The following ERO1B variants were observed in gnomAD, a reference collection of about 807,000 sequenced individuals.
The protein encoded by ERO1B is ERO1-like protein beta.
Under a neutral mutation model 75.3 loss-of-function variants are expected in ERO1B, and 49 were observed. The observed-to-expected ratio is 0.65, with a 90% CI of 0.52 to 0.83. The LOEUF is 0.83. ERO1B is among the 40% of genes least tolerant of loss of function. ERO1B has a pLI of 0.00. For missense variants in ERO1B, 512 were observed against 560.1 expected (o/e 0.91, Z 0.87); for synonymous variants, 191 against 192.9 (o/e 0.99, Z 0.08).
At chr1:236,257,248 C>G (rs956890235) in intron 2 of ERO1B, among the ~76,000 whole-genome samples, 3 of 152,164 alleles carry the variant, frequency 2.0e-5, no homozygotes, top group Non-Finnish European at 4.4e-5. Flanking sequence ...TACATAAGAC[C>G]AGTCTAACAA....
chr1:236,226,553 A>G, intron 11 of ERO1B, 38 bp from the exon 12 acceptor site: 1 of 1,596,686 alleles, frequency 6.3e-7, no homozygotes, highest in Non-Finnish European at 8.5e-7. Flanking sequence ...TGTTTTAGTA[A>G]ACAGGATTTT....
At chr1:236,245,649 G>A (rs1664866234) in intron 5 of ERO1B, among the ~76,000 whole-genome samples, 1 of 130,060 alleles carries the variant, frequency 7.7e-6, no homozygotes, top group South Asian at 2.5e-4. Flanking sequence ...GTAGTGGCAC[G>A]ATCTTGGCTC....
At chr1:236,247,501 C>A (rs1664913822) in intron 5 of ERO1B, among the ~76,000 whole-genome samples, 1 of 152,204 alleles carries the variant, frequency 6.6e-6, no homozygotes, top group Non-Finnish European at 1.5e-5. Flanking sequence ...ACTGCTATCA[C>A]CCTGGTTTAA....
chr1:236,281,736 G>T lies in ERO1B; in HGVS notation c.48C>A (p.Ala16=). ...TCAGGGTGACCAGCAGCTGCACCGCGGCCGCTACCCCCTGCCCAGCGCCTG... is the reference window on the plus strand; with the variant it reads ...TCAGGGTGACCAGCAGCTGCACCGCTGCCGCTACCCCCTGCCCAGCGCCTG... ...RRAGAGQGVA[A]AVQLLVTLSF... is the part of the protein sequence containing the mutation. The change falls in exon 1 of 16, where the codon GCC becomes GCA. Residue 16 remains alanine (A), a synonymous_variant. Transcript: ENST00000354619. 6.6e-7 allele frequency: 1 copy of T among 1,514,680 alleles called. No homozygotes were observed. 93.8% of individuals were successfully genotyped at this position (1,514,680 alleles called of 1,614,324 possible).
intron 2 of ERO1B, 118 bp from the exon 3 acceptor site, chr1:236,253,623 C>CATTGTGTTGGGCACCAGTGACATG: frequency 3.0e-6 from 2 of 662,966 alleles, no homozygotes; most frequent in Non-Finnish European, 2.7e-6. Flanking sequence ...TTCCTATCCT[C>CATTGTGTTGGGCACCAGTGACATG]GTGGCACCTA....
chr1:236,281,484 C>G (rs563947498), intron 1 of ERO1B, 198 bp downstream of exon 1: 1 of 397,656 alleles, frequency 2.5e-6, no homozygotes, highest in African/African-American at 2.1e-5. Context: ...GTCGCCGTCC[C>G]CCCACCCTGC....
intron 2 of ERO1B, among the ~76,000 whole-genome samples, chr1:236,258,892 C>CATAA (rs780506548): frequency 7.3e-4 from 111 of 151,958 alleles, no homozygotes; most frequent in Admixed American, 1.6e-3. Context: ...CCATCTCAAA[C>CATAA]ATAAATAAAT....
chr1:236,253,434 C>G lies in ERO1B; in HGVS notation c.294G>C (p.Glu98Asp), dbSNP rs750604490. ...TTATTTATTATACCTCTGGACAGGG[C>G]TCCACATGACAGTCTTTTATTGAAC... ...GHCSIKDCHV[E>D]PCPESKIPVG... The change falls in exon 3 of 16, where the codon GAG (glutamate) becomes GAC (aspartate). Residue 98 changes from glutamate to aspartate, a missense_variant. By Grantham distance (45) the Glu-to-Asp change is conservative. Transcript: ENST00000354619. 3.4e-5 allele frequency: 54 copies of G among 1,606,530 alleles called. No homozygotes were observed. Among genetic ancestry groups the G allele is most frequent in the Non-Finnish European group, 4.2e-5 (49 of 1,174,566 alleles).
In ERO1B at chr1:236,251,519, CAG is replaced by C. The variant is rs541231108; in HGVS notation, c.348+529_348+530del. On this transcript the variant is annotated intron_variant, in intron 4 of 15. Coordinates refer to ENST00000354619, the MANE Select transcript of ERO1B (RefSeq NM_019891.4). Reference sequence around the variant, plus strand: ...ACGCAAAGGAGGCACAAGAAGGAGACAGAGAGAGAGGGTATGATGATCTTTAT... The same window carrying C: ...ACGCAAAGGAGGCACAAGAAGGAGACAGAGAGAGGGTATGATGATCTTTAT... 926 of 941,566 alleles carry C rather than the reference CAG, an allele frequency of 9.8e-4. 7 individuals carry two copies. The African/African-American group carries it at 0.014, about 15-fold the overall frequency. The allele number at this position is 941,566 out of a possible 1,614,324, so 58.3% of individuals were successfully genotyped here. A position where few individuals can be genotyped will look rare whatever the true frequency, so the allele number is the denominator to read the frequency against.
intron 8 of ERO1B, 68 bp downstream of exon 8, chr1:236,235,721 T>A: frequency 7.4e-7 from 1 of 1,345,302 alleles, no homozygotes; most frequent in South Asian, 1.3e-5. Flanking sequence ...TTTTTCAATA[T>A]GAAGTTTAGT....
chr1:236,258,452 G>A (rs989268047), intron 2 of ERO1B, among the ~76,000 whole-genome samples: 1 of 152,114 alleles, frequency 6.6e-6, no homozygotes, highest in Non-Finnish European at 1.5e-5. Context: ...CAGTGATCCT[G>A]TTCTTCAAAA....
At chr1:236,234,325 C>T (rs1430751589) in intron 8 of ERO1B, among the ~76,000 whole-genome samples, 1 of 152,004 alleles carries the variant, frequency 6.6e-6, no homozygotes, top group African/African-American at 2.4e-5. Context: ...TGAAGTGTTT[C>T]TTAGGACTTG....
rs183688533 is a variant in ERO1B at position 236,238,259 on chromosome 1, A to G, written c.506-1861T>C. On this transcript the variant is annotated intron_variant, in intron 6 of 15. Transcript: ENST00000354619. ...ATACTCCACTATAAAAAGCAAGGCAAGGAAAACAATTTACAGATGGATAGA... is the reference window on the plus strand; with the variant it reads ...ATACTCCACTATAAAAAGCAAGGCAGGGAAAACAATTTACAGATGGATAGA... 3.3e-5 allele frequency among the ~76,000 whole-genome samples: 5 copies of G among 152,352 alleles called. No individual in the cohort carries two copies. In the East Asian group the frequency reaches 9.6e-4, roughly 29 times the overall value.
chr1:236,269,848 C>T, intron 2 of ERO1B, 27 bp downstream of exon 2: 1 of 1,552,564 alleles, frequency 6.4e-7, no homozygotes, highest in Admixed American at 1.7e-5. Flanking sequence ...CCTTTGATAT[C>T]AACAGAATAA....
chr1:236,270,913 G>A (rs1470190908), intron 1 of ERO1B, among the ~76,000 whole-genome samples: 1 of 152,182 alleles, frequency 6.6e-6, no homozygotes, highest in Admixed American at 6.5e-5. Context: ...TTATAAAAGG[G>A]CAACAGAAGC....
chr1:236,245,337 TATACGTATATATATAC>T lies in ERO1B; in HGVS notation c.432-1858_432-1843del, dbSNP rs1558513128. ...ATATATATATACACACACGTATATA[TATACGTATATATATAC>T]ACACGTATATATATACGTATATATA... On this transcript the variant is annotated intron_variant, in intron 5 of 15. Coordinates refer to ENST00000354619, the MANE Select transcript of ERO1B (RefSeq NM_019891.4). Among the ~76,000 whole-genome samples, 12 of 31,814 alleles carry T rather than the reference TATACGTATATATATAC, an allele frequency of 3.8e-4. 1 individual carries two copies. Among genetic ancestry groups the T allele is most frequent in the Admixed American group, 1.1e-3 (3 of 2,618 alleles). 20.9% of individuals were successfully genotyped at this position (31,814 alleles called of 152,430 possible). A position where few individuals can be genotyped will look rare whatever the true frequency, so the allele number is the denominator to read the frequency against.
intron 10 of ERO1B, among the ~76,000 whole-genome samples, chr1:236,229,500 G>A (rs1351377101): frequency 6.6e-6 from 1 of 151,716 alleles, no homozygotes; most frequent in Non-Finnish European, 1.5e-5. Context: ...GTTTTACTCT[G>A]TAGTATTCCT....
chr1:236,229,962 GAAAT>G (rs1459648420), intron 10 of ERO1B, among the ~76,000 whole-genome samples: 26 of 152,152 alleles, frequency 1.7e-4, no homozygotes, highest in Admixed American at 1.7e-3. Flanking sequence ...ATACAGAACA[GAAAT>G]AAGATTAGGG....
intron 4 of ERO1B, among the ~76,000 whole-genome samples, chr1:236,250,606 TA>T (rs1664999492): frequency 3.1e-5 from 2 of 64,534 alleles, no homozygotes; most frequent in African/African-American, 1.1e-4. Flanking sequence ...TATATATATA[TA>T]TATATATATA....
Sources: allele counts gnomAD v4.1 joint callset (sites outside exome capture counted in the v4.1 genomes callset), GRCh38; gene constraint gnomAD v4.1.1; transcripts MANE v1.5; gene names NCBI Gene and HGNC (gene_info 2026-07-23, HGNC 2026-07-21).